Variants in WWOX observed in about 807,000 individuals in gnomAD.
WWOX encodes the protein WW domain containing oxidoreductase.
Under a neutral mutation model 46.2 loss-of-function variants are expected in WWOX, and 69 were observed. The observed-to-expected ratio is 1.49, with a 90% CI of 1.23 to 1.82. The LOEUF is 1.82. Among genes scored for constraint, WWOX ranks in the 40% most tolerant of loss-of-function variants. The pLI, the probability that WWOX is intolerant of heterozygous loss-of-function variation, is 0.00. For synonymous variants in WWOX, 359 were observed against 202.6 expected (o/e 1.77, Z -6.56); for missense variants, 919 against 542.6 (o/e 1.69, Z -6.89).
chr16:79,109,693 A>C (rs756071599), intron 8 of WWOX, among the ~76,000 whole-genome samples: 7 of 152,180 alleles, frequency 4.6e-5, no homozygotes, highest in Non-Finnish European at 8.8e-5. Flanking sequence ...TTTATCTCTA[A>C]ATTATGATAT....
intron 8 of WWOX, among the ~76,000 whole-genome samples, chr16:79,058,204 G>C (rs2048299952): frequency 6.6e-6 from 1 of 151,778 alleles, no homozygotes; most frequent in African/African-American, 2.4e-5. Flanking sequence ...GAGTCAGGCA[G>C]ATACAGGTGT....
At chr16:79,130,522 A>G (rs965978974) in intron 8 of WWOX, among the ~76,000 whole-genome samples, 2 of 152,194 alleles carry the variant, frequency 1.3e-5, no homozygotes, top group African/African-American at 4.8e-5. Context: ...TCCAGAGATC[A>G]GGACTCAAGG....
At chr16:78,971,627 A>C (rs1367551714) in intron 8 of WWOX, among the ~76,000 whole-genome samples, 1 of 152,078 alleles carries the variant, frequency 6.6e-6, no homozygotes, top group Non-Finnish European at 1.5e-5. Context: ...TGGGTGGACC[A>C]AATCTATTGT....
intron 8 of WWOX, among the ~76,000 whole-genome samples, chr16:78,485,253 C>T (rs2084602701): frequency 6.6e-6 from 1 of 152,130 alleles, no homozygotes; most frequent in South Asian, 2.1e-4. Flanking sequence ...TGCACAGCCT[C>T]CTCCAGCTAT....
intron 8 of WWOX, among the ~76,000 whole-genome samples, chr16:78,482,069 G>A (rs1420841926): frequency 6.6e-6 from 1 of 152,010 alleles, no homozygotes; most frequent in Non-Finnish European, 1.5e-5. Context: ...GCTTGTTATG[G>A]TCCCACCTAT....
At chr16:78,762,880 T>C (rs1940908279) in intron 8 of WWOX, among the ~76,000 whole-genome samples, 1 of 152,164 alleles carries the variant, frequency 6.6e-6, no homozygotes, top group African/African-American at 2.4e-5. Context: ...GAAGGACTCA[T>C]GGTAGTTAAC....
chr16:78,202,093 G>T (rs565124256), intron 5 of WWOX, among the ~76,000 whole-genome samples: 1 of 152,160 alleles, frequency 6.6e-6, no homozygotes, highest in South Asian at 2.1e-4. Context: ...TTCCATCCTG[G>T]ACTTGCAATC....
intron 8 of WWOX, among the ~76,000 whole-genome samples, chr16:78,690,670 G>A (rs1460428911): frequency 3.3e-5 from 5 of 152,112 alleles, no homozygotes; most frequent in Admixed American, 1.3e-4. Flanking sequence ...CTCCCAACCT[G>A]GTTCTTTGTC....
chr16:78,968,495 A>C (rs1231918271), intron 8 of WWOX, among the ~76,000 whole-genome samples: 3 of 152,202 alleles, frequency 2.0e-5, no homozygotes, highest in Non-Finnish European at 4.4e-5. Context: ...GGATGCAATT[A>C]TGTTTCATTG....
At chr16:78,218,926 C>T (rs776172992) in intron 5 of WWOX, among the ~76,000 whole-genome samples, 3 of 152,196 alleles carry the variant, frequency 2.0e-5, no homozygotes, top group South Asian at 2.1e-4. Context: ...GTGGATTTAT[C>T]GTTGCAATTA....
At chr16:79,021,245 A>G (rs556974268) in intron 8 of WWOX, among the ~76,000 whole-genome samples, 2 of 152,282 alleles carry the variant, frequency 1.3e-5, no homozygotes, top group South Asian at 4.1e-4. Context: ...CATTTGTTTG[A>G]CATTCTTGGA....
intron 8 of WWOX, among the ~76,000 whole-genome samples, chr16:78,810,478 T>C (rs1035344540): frequency 1.2e-4 from 19 of 152,210 alleles, no homozygotes; most frequent in African/African-American, 4.1e-4. Context: ...GGAAGTATTA[T>C]GGGAACCCCC....
chr16:78,812,963 A>G (rs1257202675), intron 8 of WWOX, among the ~76,000 whole-genome samples: 12 of 152,240 alleles, frequency 7.9e-5, no homozygotes, highest in Admixed American at 7.9e-4. Context: ...ATCAAATATA[A>G]GAATTTTGTT....
chr16:78,243,954 A>T (rs1295029181), intron 5 of WWOX, among the ~76,000 whole-genome samples: 2 of 152,224 alleles, frequency 1.3e-5, no homozygotes, highest in African/African-American at 4.8e-5. Flanking sequence ...ATTTAAGATA[A>T]TGAAGCTCCT....
chr16:78,513,948 T>C (rs968296739), intron 8 of WWOX, among the ~76,000 whole-genome samples: 10 of 144,216 alleles, frequency 6.9e-5, no homozygotes, highest in African/African-American at 1.6e-4. Context: ...GGAACATCCA[T>C]TGGGAAACTC....
intron 1 of WWOX, among the ~76,000 whole-genome samples, chr16:78,101,346 C>CTTT (rs71137871): frequency 0.064 from 4,297 of 66,834 alleles, 667 homozygotes; most frequent in Admixed American, 0.074. Flanking sequence ...CGCTCCCGGC[C>CTTT]TTTTTTTTTT....
At chr16:79,176,988 G>T (rs1294920477) in intron 8 of WWOX, among the ~76,000 whole-genome samples, 3 of 152,080 alleles carry the variant, frequency 2.0e-5, no homozygotes, top group African/African-American at 4.8e-5. Flanking sequence ...ATGAATAGAT[G>T]TATAATAAAA....
intron 8 of WWOX, among the ~76,000 whole-genome samples, chr16:79,045,711 C>G (rs1261268277): frequency 1.4e-5 from 2 of 148,006 alleles, no homozygotes; most frequent in Non-Finnish European, 3.0e-5. Flanking sequence ...TGTGTGTGCA[C>G]TTACTAACTG....
rs1400576596 is a variant in WWOX, at chr16:79,211,668, G to A, written c.1117G>A (p.Gly373Arg). 10 of 1,614,212 alleles carry A rather than the reference G, an allele frequency of 6.2e-6. No homozygotes were observed. The highest frequency in any genetic ancestry group is 8.5e-6 in the Non-Finnish European group (10 of 1,180,044). Residue 373 changes from glycine (G) to arginine (R), a missense_variant, in exon 9 of 9, where the codon GGG becomes AGG. Gly to Arg is a moderately radical substitution (Grantham distance 125). Coordinates refer to ENST00000566780, the MANE Select transcript of WWOX (RefSeq NM_016373.4). ...TGTCCCAGAACTGGAGGGTCTGGGA[G>A]GGATGTACTTCAACAACTGCTGCCG... is the stretch of plus-strand genomic sequence containing the variant. ...AAVPELEGLG[G>R]MYFNNCCRCM...
Sources: gnomAD v4.1 joint callset for allele counts (sites outside exome capture counted in the v4.1 genomes callset) on GRCh38, gnomAD v4.1.1 for gene constraint, MANE v1.5 for transcripts, NCBI Gene and HGNC (gene_info 2026-07-23, HGNC 2026-07-21) for gene names.